Variants in ZNF254 observed in about 807,000 individuals in gnomAD.
ZNF254 encodes CTD-2017D11.1.
ZNF254 carries 10 observed loss-of-function variants against 12.4 expected under a neutral mutation model. That is an observed-to-expected ratio of 0.80 (90% CI 0.50 to 1.36). The LOEUF is 1.36. Ranked by LOEUF, ZNF254 falls within the 40% of genes most tolerant of loss-of-function variation. ZNF254 has a pLI of 0.00. For missense variants in ZNF254, 996 were observed against 763.9 expected, an observed-to-expected ratio of 1.30 and a Z score of -3.58; for synonymous variants, 305 against 253.4, an observed-to-expected ratio of 1.20 and a Z score of -1.93.
Position 24,128,111 on chromosome 19 carries a change from TCTG to T in ZNF254, c.*135_*137del. ...TACCTAAAACTTTAAAGAAAATCAT[TCTG>T]CTGAAAAATCCTAGAAATGTGAAGA... On this transcript the variant is annotated 3_prime_UTR_variant, in exon 4 of 4. Transcript: ENST00000357002. The T allele has an allele frequency of 3.2e-6, 3 of 923,606 alleles. No homozygotes were observed. The highest frequency in any genetic ancestry group is 1.7e-5 in the African/African-American group (1 of 58,374). The allele number at this position is 923,606 out of a possible 1,614,324, so 57.2% of individuals were successfully genotyped here.
intron 3 of ZNF254, chr19:24,107,291 G>A: frequency 1.7e-6 from 1 of 586,248 alleles, no homozygotes; most frequent in Non-Finnish European, 3.0e-6. Context: ...AGGTCACTTT[G>A]GATAATATGG....
intron 3 of ZNF254, among the ~76,000 whole-genome samples, chr19:24,111,255 A>C (rs1180926112): frequency 2.6e-5 from 4 of 152,026 alleles, no homozygotes; most frequent in Non-Finnish European, 4.4e-5. Context: ...TTCCAGTTTC[A>C]TCCATGTCCC....
At chr19:24,034,488 GTTTTTTT>G (rs963358053) in intron 1 of ZNF254, among the ~76,000 whole-genome samples, 7 of 107,332 alleles carry the variant, frequency 6.5e-5, no homozygotes, top group Admixed American at 1.2e-4. Context: ...AGGTAAGTGG[GTTTTTTT>G]TTTTTTTTTT....
rs530243918 is a variant in ZNF254, at chr19:24,113,207, A to G, written c.253+6564A>G. ...GAGGCCAGCATCATCCTGTTACCAA[A>G]GCCGGGCAGAGACACAACCAAAAAA... On this transcript the variant is annotated intron_variant, in intron 3 of 3. Transcript: ENST00000357002. Among the ~76,000 whole-genome samples the G allele has an allele frequency of 1.4e-3, 209 of 152,300 alleles. 2 individuals carry two copies. The highest frequency in any genetic ancestry group is 4.7e-3 in the African/African-American group (197 of 41,570).
At chr19:24,097,421 G>C (rs1396082860) in intron 1 of ZNF254, among the ~76,000 whole-genome samples, 1 of 152,022 alleles carries the variant, frequency 6.6e-6, no homozygotes, top group Non-Finnish European at 1.5e-5. Flanking sequence ...TAAGTTGTTT[G>C]ACAGAAACCT....
chr19:24,111,631 T>A (rs1973688208), intron 3 of ZNF254, among the ~76,000 whole-genome samples: 1 of 152,260 alleles, frequency 6.6e-6, no homozygotes, highest in South Asian at 2.1e-4. Context: ...CCTGACTTTT[T>A]AATGATCGCC....
At chr19:24,040,573 C>T (rs1970118118) in intron 1 of ZNF254, among the ~76,000 whole-genome samples, 1 of 152,184 alleles carries the variant, frequency 6.6e-6, no homozygotes, top group East Asian at 1.9e-4. Context: ...ATAGCCTAAG[C>T]CATCATCTAA....
chr19:24,105,061 A>G (rs1445881162), intron 1 of ZNF254: 2 of 152,320 alleles, frequency 1.3e-5, no homozygotes, highest in Admixed American at 6.6e-5. Flanking sequence ...AGTGGGTACA[A>G]TATCTCAGTA....
intron 2 of ZNF254, among the ~76,000 whole-genome samples, chr19:24,077,151 TTTA>T (rs1971687136): frequency 1.3e-5 from 2 of 152,164 alleles, no homozygotes; most frequent in Non-Finnish European, 2.9e-5. Flanking sequence ...CTCAAATAAA[TTTA>T]TTATTTTTTC....
intron 3 of ZNF254, among the ~76,000 whole-genome samples, chr19:24,112,466 G>GT (rs1291152590): frequency 1.3e-5 from 2 of 149,164 alleles, no homozygotes; most frequent in Admixed American, 6.7e-5. Flanking sequence ...CTTTAAAGTA[G>GT]TTTTTTCCAA....
In ZNF254 at chr19:24,067,717, C is replaced by G. The variant is rs546307099; in HGVS notation, c.-94+21438C>G. Among the ~76,000 whole-genome samples the G allele has an allele frequency of 4.0e-5, 6 of 151,268 alleles. No homozygotes were observed. The East Asian group carries it at 9.9e-4, about 25-fold the overall frequency. On this transcript the variant is annotated intron_variant, in intron 2 of 4. Coordinates refer to the ZNF254 transcript ENST00000613065. Reference sequence around the variant, plus strand: ...CGACCCTTCCTCTACTGCTTGGACTCTGACCAAAAAGGGATTGTGATGCAT... The same window carrying G: ...CGACCCTTCCTCTACTGCTTGGACTGTGACCAAAAAGGGATTGTGATGCAT...
Position 24,124,692 on chromosome 19 carries a change from G to A in ZNF254, c.254-1562G>A, listed in dbSNP as rs181103037. On this transcript the variant is annotated intron_variant, in intron 3 of 3. Transcript: ENST00000357002. ...GACTACATCACACAGTTCCCTTATG[G>A]CCTGCAAAATTTTTGTTAACAGTTC... 1.5e-4 allele frequency among the ~76,000 whole-genome samples: 22 copies of A among 151,058 alleles called. No individual in the cohort carries two copies. In the East Asian group the frequency reaches 4.1e-3, roughly 28 times the overall value.
chr19:24,062,097 AAAAAAG>A (rs1051494002), intron 2 of ZNF254, among the ~76,000 whole-genome samples: 25 of 134,846 alleles, frequency 1.9e-4, no homozygotes, highest in East Asian at 6.2e-4. Context: ...CAAAAAAAAA[AAAAAAG>A]AAAAAGAAAA....
At chr19:24,116,467 C>T (rs1974082898) in intron 3 of ZNF254, among the ~76,000 whole-genome samples, 1 of 152,078 alleles carries the variant, frequency 6.6e-6, no homozygotes, top group African/African-American at 2.4e-5. Context: ...CACTGATACC[C>T]TTTCTTCCAG....
At position 24,087,290 on chromosome 19, in the gene ZNF254, T is replaced by C. The variant is rs760294577; in HGVS notation, c.-18T>C. 4 of 1,613,248 alleles carry C rather than the reference T, an allele frequency of 2.5e-6. No homozygotes were observed. The highest frequency in any genetic ancestry group is 3.4e-6 in the Non-Finnish European group (4 of 1,179,594). ...CTGTGGCGCTGTTACCAGCAGGTATTGGAGATCCACAGCTAAGATGCCAGG... is the reference window on the plus strand; with the variant it reads ...CTGTGGCGCTGTTACCAGCAGGTATCGGAGATCCACAGCTAAGATGCCAGG... On this transcript the variant is annotated 5_prime_UTR_variant, in exon 1 of 4. Coordinates refer to ENST00000357002, the MANE Select transcript of ZNF254 (RefSeq NM_203282.4).
intron 2 of ZNF254, among the ~76,000 whole-genome samples, chr19:24,059,264 A>G (rs1036931344): frequency 6.6e-6 from 1 of 152,156 alleles, no homozygotes; most frequent in Non-Finnish European, 1.5e-5. Flanking sequence ...CCTGTAAGAG[A>G]CATTGTCACA....
intron 2 of ZNF254, among the ~76,000 whole-genome samples, chr19:24,056,343 G>T (rs1970853418): frequency 6.6e-6 from 1 of 152,124 alleles, no homozygotes; most frequent in African/African-American, 2.4e-5. Flanking sequence ...CATTACCCAG[G>T]TGTTATGACT....
chr19:24,047,572 T>C (rs1253780936), intron 2 of ZNF254, among the ~76,000 whole-genome samples: 1 of 150,304 alleles, frequency 6.7e-6, no homozygotes, highest in Non-Finnish European at 1.5e-5. Flanking sequence ...TTCTGCCCTC[T>C]TTTTATTTTC....
intron 1 of ZNF254, among the ~76,000 whole-genome samples, chr19:24,034,025 C>G (rs1201758550): frequency 6.6e-6 from 1 of 152,124 alleles, no homozygotes; most frequent in Non-Finnish European, 1.5e-5. Flanking sequence ...AGTGCAGTGG[C>G]ACGATCACTG....
Sources: allele counts gnomAD v4.1 joint callset (sites outside exome capture counted in the v4.1 genomes callset), GRCh38; gene constraint gnomAD v4.1.1; transcripts MANE v1.5; gene names NCBI Gene and HGNC (gene_info 2026-07-23, HGNC 2026-07-21).